PLEKHS1: variants seen among roughly 807,000 people sequenced by gnomAD.
PLEKHS1 encodes pleckstrin homology domain containing S1.
Under a neutral mutation model 51.0 loss-of-function variants are expected in PLEKHS1, and 55 were observed. The observed-to-expected ratio is 1.08, with a 90% CI of 0.87 to 1.35. The LOEUF is 1.35. Among genes scored for constraint, PLEKHS1 ranks in the 40% most tolerant of loss-of-function variants. PLEKHS1 has a pLI of 0.00. For synonymous variants in PLEKHS1, 153 were observed against 144.8 expected, an observed-to-expected ratio of 1.06 and a Z score of -0.41; for missense variants, 398 against 423.0, an observed-to-expected ratio of 0.94 and a Z score of 0.52.
chr10:113,780,771 C>A, exon 12 of PLEKHS1: 1 of 1,552,650 alleles, frequency 6.4e-7, no homozygotes, highest in East Asian at 2.4e-5. Flanking sequence ...CAGAAAGGAG[C>A]CAGGGAGTAA....
chr10:113,766,597 CTT>C lies in PLEKHS1; in HGVS notation c.118-11_118-10del. On this transcript the variant is annotated splice_polypyrimidine_tract_variant and intron_variant, in intron 3 of 11. Transcript: ENST00000361048. Reference sequence around the variant, plus strand: ...CTGAGATTTAACTAAGACATAAAATCTTTTTATTTTTCAGACCTCTTGGAAAA... The same window carrying C: ...CTGAGATTTAACTAAGACATAAAATCTTTATTTTTCAGACCTCTTGGAAAA... 6.3e-7 allele frequency: 1 copy of C among 1,598,082 alleles called. No individual in the cohort carries two copies. Among genetic ancestry groups the C allele is most frequent in the South Asian group, 1.1e-5 (1 of 87,618 alleles).
intron 2 of PLEKHS1, among the ~76,000 whole-genome samples, chr10:113,758,962 C>G (rs1317244327): frequency 1.3e-5 from 2 of 151,872 alleles, no homozygotes; most frequent in Non-Finnish European, 2.9e-5. Context: ...AAAAAATGGT[C>G]CCAGTAGACT....
intron 11 of PLEKHS1, chr10:113,777,556 A>G: frequency 8.4e-6 from 13 of 1,551,218 alleles, no homozygotes; most frequent in Non-Finnish European, 1.0e-5. Flanking sequence ...ATTCCAAAAC[A>G]GCTCCTTCAA....
intron 2 of PLEKHS1, among the ~76,000 whole-genome samples, chr10:113,758,568 C>G (rs1461216405): frequency 6.6e-6 from 1 of 152,122 alleles, no homozygotes; most frequent in Non-Finnish European, 1.5e-5. Context: ...TAGTATAATT[C>G]TTAAGGGCCT....
intron 2 of PLEKHS1, among the ~76,000 whole-genome samples, chr10:113,763,521 TC>T (rs1844034794): frequency 6.6e-6 from 1 of 152,162 alleles, no homozygotes; most frequent in South Asian, 2.1e-4. Context: ...GTTCTCCCTT[TC>T]CCCCTTTTCT....
chr10:113,752,483 G>A (rs1430238812), intron 1 of PLEKHS1, among the ~76,000 whole-genome samples: 1 of 152,130 alleles, frequency 6.6e-6, no homozygotes, highest in Non-Finnish European at 1.5e-5. Flanking sequence ...CTAACAACTA[G>A]CATTTATTGA....
chr10:113,767,533 C>A, intron 5 of PLEKHS1, 54 bp downstream of exon 5: 4 of 1,531,932 alleles, frequency 2.6e-6, no homozygotes, highest in South Asian at 2.5e-5. Flanking sequence ...CAAAAACAAA[C>A]CAAAAAACAA....
chr10:113,762,365 C>CCT (rs1469795689), intron 2 of PLEKHS1, among the ~76,000 whole-genome samples: 1 of 61,770 alleles, frequency 1.6e-5, no homozygotes, highest in Admixed American at 2.4e-4. Flanking sequence ...AGATTTGTTC[C>CCT]TTTTTTTTTT....
At chr10:113,773,631 G>A (rs1844517977) in intron 8 of PLEKHS1, among the ~76,000 whole-genome samples, 1 of 152,100 alleles carries the variant, frequency 6.6e-6, no homozygotes, top group Non-Finnish European at 1.5e-5. Context: ...TTTGCAGGGG[G>A]CCAATGGGAA....
At chr10:113,774,603 G>A (rs375242459) in intron 9 of PLEKHS1, among the ~76,000 whole-genome samples, 2 of 152,026 alleles carry the variant, frequency 1.3e-5, no homozygotes, top group East Asian at 3.9e-4. Flanking sequence ...TCTCACTTCT[G>A]TCCTCCAAAC....
In PLEKHS1 at chr10:113,771,445, G is replaced by A. The variant is rs531719161; in HGVS notation, c.553-525G>A. Among the ~76,000 whole-genome samples, 11 of 152,056 alleles carry A rather than the reference G, an allele frequency of 7.2e-5. No homozygotes were observed. The South Asian group carries it at 1.0e-3, about 14-fold the overall frequency. On this transcript the variant is annotated intron_variant, in intron 7 of 11. Transcript: ENST00000361048. ...TCTCAGCACTTTGGGAGGCTGAGGC[G>A]GGTGGATCACGAGGTCAGGAGTTTG...
intron 9 of PLEKHS1, among the ~76,000 whole-genome samples, 163 bp from the exon 10 acceptor site, chr10:113,774,662 TG>T (rs1260959586): frequency 2.0e-5 from 3 of 152,228 alleles, no homozygotes; most frequent in African/African-American, 7.2e-5. Flanking sequence ...AAGGAAAGTT[TG>T]TTGAATTTGA....
At chr10:113,775,169 C>T in intron 10 of PLEKHS1, 134 bp downstream of exon 10, 1 of 772,652 alleles carries the variant, frequency 1.3e-6, no homozygotes, top group Non-Finnish European at 2.0e-6. Context: ...ACTTGACCAT[C>T]TTCTCCCTGT....
intron 1 of PLEKHS1, among the ~76,000 whole-genome samples, chr10:113,754,566 G>T (rs770468794): frequency 6.6e-6 from 1 of 152,062 alleles, no homozygotes; most frequent in Non-Finnish European, 1.5e-5. Flanking sequence ...TCCGCCTCCC[G>T]GGTTCAAGCG....
Position 113,780,620 on chromosome 10 carries a change from G to A in PLEKHS1, c.*18G>A, listed in dbSNP as rs370338009. ...GTTTTAGAAATTAAAGCTTACCATC[G>A]GCAGGATCCCAAATTCAGAGACATT... On this transcript the variant is annotated 3_prime_UTR_variant, in exon 12 of 12. Coordinates refer to ENST00000361048, the Ensembl canonical transcript of PLEKHS1. 71 of 1,613,554 alleles carry A rather than the reference G, an allele frequency of 4.4e-5. No homozygotes were observed. The highest frequency in any genetic ancestry group is 8.0e-5 in the African/African-American group (6 of 74,968).
chr10:113,775,146 A>T (rs1844592023), intron 10 of PLEKHS1, 111 bp downstream of exon 10: 10 of 1,011,666 alleles, frequency 9.9e-6, no homozygotes, highest in Non-Finnish European at 1.4e-5. Flanking sequence ...AAAAATCTCC[A>T]AGTCAGCCAA....
At chr10:113,769,599 G>A (rs1172806518) in intron 6 of PLEKHS1, among the ~76,000 whole-genome samples, 185 bp from the exon 7 acceptor site, 3 of 152,262 alleles carry the variant, frequency 2.0e-5, no homozygotes, top group South Asian at 4.2e-4. Context: ...TGTCCTCAAG[G>A]GTTTGGAAAC....
exon 12 of PLEKHS1, chr10:113,780,860 A>G (rs894330447): frequency 1.7e-5 from 23 of 1,346,958 alleles, no homozygotes; most frequent in Non-Finnish European, 1.9e-5. Flanking sequence ...GCCATGTGAT[A>G]GGAGACAGTC....
intron 2 of PLEKHS1, among the ~76,000 whole-genome samples, chr10:113,756,048 T>C (rs1222890198): frequency 3.9e-5 from 6 of 152,074 alleles, no homozygotes; most frequent in African/African-American, 1.4e-4. Flanking sequence ...TGTAGATGAG[T>C]GGATAGAAAA....
Sources: gnomAD v4.1 joint callset for allele counts (sites outside exome capture counted in the v4.1 genomes callset) on GRCh38, gnomAD v4.1.1 for gene constraint, MANE v1.5 for transcripts, NCBI Gene and HGNC (gene_info 2026-07-23, HGNC 2026-07-21) for gene names.